The following LRRK1 variants were observed in gnomAD, a reference collection of about 807,000 sequenced individuals.
LRRK1 encodes the protein leucine rich repeat kinase 1.
LRRK1 carries 113 observed loss-of-function variants against 209.1 expected under a neutral mutation model. The observed-to-expected ratio is 0.54, with a 90% CI of 0.46 to 0.63. The LOEUF is 0.63. LRRK1 is among the 30% of genes least tolerant of loss of function. The pLI is 0.00. For missense variants in LRRK1, 2,284 were observed against 2,632.2 expected (o/e 0.87, Z 2.89); for synonymous variants, 1,144 against 1,099.7 (o/e 1.04, Z -0.80).
At chr15:101,032,823 G>T (rs898046008) in intron 20 of LRRK1, among the ~76,000 whole-genome samples, 3 of 152,118 alleles carry the variant, frequency 2.0e-5, no homozygotes, top group African/African-American at 7.2e-5. Context: ...TTTATTTCAG[G>T]ACTCTATTTT....
intron 11 of LRRK1, among the ~76,000 whole-genome samples, chr15:101,014,778 C>G (rs1053132718): frequency 6.6e-6 from 1 of 152,216 alleles, no homozygotes; most frequent in African/African-American, 2.4e-5. Context: ...CTCATTTTAA[C>G]TTAGTTACCT....
intron 3 of LRRK1, among the ~76,000 whole-genome samples, chr15:100,976,300 T>C (rs1410517472): frequency 6.6e-6 from 1 of 152,132 alleles, no homozygotes; most frequent in Non-Finnish European, 1.5e-5. Context: ...TTAATGAAGC[T>C]AACACAACCT....
At chr15:101,059,226 C>A (rs191400044) in intron 29 of LRRK1, among the ~76,000 whole-genome samples, 2 of 151,932 alleles carry the variant, frequency 1.3e-5, no homozygotes, top group African/African-American at 4.8e-5. Context: ...TTTGTCTCTA[C>A]AAAAATAAAT....
intron 21 of LRRK1, among the ~76,000 whole-genome samples, chr15:101,046,728 T>G (rs916832378): frequency 1.3e-5 from 2 of 152,060 alleles, no homozygotes; most frequent in African/African-American, 2.4e-5. Flanking sequence ...CCCAGGCGAG[T>G]CCCCTGTGCA....
chr15:101,075,631 T>C lies in LRRK1; in HGVS notation c.*6783T>C, dbSNP rs903500308. 7 of 149,974 alleles carry C rather than the reference T, an allele frequency of 4.7e-5. No individual in the cohort carries two copies. The highest frequency in any genetic ancestry group is 1.3e-4 in the African/African-American group (5 of 39,502). The allele number at this position is 149,974 out of a possible 1,614,324, so 9.3% of individuals were successfully genotyped here. A position where few individuals can be genotyped will look rare whatever the true frequency, so the allele number is the denominator to read the frequency against. On this transcript the variant is annotated 3_prime_UTR_variant, in exon 34 of 34. Coordinates refer to ENST00000388948, the MANE Select transcript of LRRK1 (RefSeq NM_024652.6). ...ATAAACTCTCCTTACAATTCCCCCA[T>C]TTCACTTGTCCTAAAACCAGACAAG... is the stretch of plus-strand genomic sequence containing the variant.
At chr15:100,932,363 A>G (rs2042228203) in intron 2 of LRRK1, among the ~76,000 whole-genome samples, 1 of 152,196 alleles carries the variant, frequency 6.6e-6, no homozygotes, top group Admixed American at 6.5e-5. Context: ...TTACATGCAT[A>G]TTCAGTTGTA....
At chr15:101,013,951 C>T (rs550069927) in intron 10 of LRRK1, among the ~76,000 whole-genome samples, 16 of 152,200 alleles carry the variant, frequency 1.1e-4, no homozygotes, top group Non-Finnish European at 1.5e-4. Flanking sequence ...CCCCACCAGC[C>T]GTGAGCCGTT....
At chr15:101,029,416 C>T (rs899974205) in intron 20 of LRRK1, among the ~76,000 whole-genome samples, 184 bp downstream of exon 20, 2 of 152,046 alleles carry the variant, frequency 1.3e-5, no homozygotes, top group African/African-American at 4.8e-5. Context: ...ACAGTGAGCA[C>T]GGCTGGCCGC....
chr15:101,002,859 T>C (rs1004980962), intron 6 of LRRK1, among the ~76,000 whole-genome samples: 2 of 152,184 alleles, frequency 1.3e-5, no homozygotes, highest in African/African-American at 4.8e-5. Flanking sequence ...GCCTCCCAAG[T>C]AGCTGGGACT....
At chr15:101,050,253 C>T (rs1402065705) in intron 23 of LRRK1, among the ~76,000 whole-genome samples, 1 of 152,206 alleles carries the variant, frequency 6.6e-6, no homozygotes, top group African/African-American at 2.4e-5. Flanking sequence ...CCACCCATCC[C>T]GGCGGTGATC....
At chr15:100,921,716 A>T (rs533332456) in intron 1 of LRRK1, among the ~76,000 whole-genome samples, 19 of 152,276 alleles carry the variant, frequency 1.2e-4, no homozygotes, top group African/African-American at 4.6e-4. Context: ...AATGAATGAC[A>T]GGTTCTTCTC....
chr15:101,047,707 C>A (rs2035162703), intron 21 of LRRK1, among the ~76,000 whole-genome samples: 2 of 152,306 alleles, frequency 1.3e-5, no homozygotes, highest in South Asian at 4.1e-4. Context: ...CACGGAGCGG[C>A]CCCGCGCACA....
At chr15:100,939,744 T>C (rs1596170003) in intron 2 of LRRK1, among the ~76,000 whole-genome samples, 1 of 152,264 alleles carries the variant, frequency 6.6e-6, no homozygotes, top group Non-Finnish European at 1.5e-5. Context: ...CCATTAACTC[T>C]GTGGTACCCT....
chr15:100,985,206 C>A (rs2031805540), intron 4 of LRRK1, among the ~76,000 whole-genome samples: 1 of 152,062 alleles, frequency 6.6e-6, no homozygotes, highest in Admixed American at 6.5e-5. Context: ...GAGAAGCATA[C>A]TAAGACAAGA....
chr15:101,039,519 T>G (rs1437486100), intron 20 of LRRK1, among the ~76,000 whole-genome samples: 2 of 152,226 alleles, frequency 1.3e-5, no homozygotes, highest in Non-Finnish European at 2.9e-5. Context: ...TAAGTATGCT[T>G]CTTTTTTGAA....
intron 16 of LRRK1, 94 bp downstream of exon 16, chr15:101,025,061 A>G: frequency 1.5e-6 from 2 of 1,294,042 alleles, no homozygotes; most frequent in Non-Finnish European, 2.1e-6. Context: ...TGAGAAAAAA[A>G]GGGGGTTATG....
intron 2 of LRRK1, among the ~76,000 whole-genome samples, chr15:100,929,998 C>G (rs1435596336): frequency 6.6e-6 from 1 of 152,182 alleles, no homozygotes. Flanking sequence ...CCTTGATGAG[C>G]CTTTGAACAT....
At chr15:100,984,675 T>C (rs1157962179) in intron 4 of LRRK1, among the ~76,000 whole-genome samples, 1 of 152,222 alleles carries the variant, frequency 6.6e-6, no homozygotes, top group Non-Finnish European at 1.5e-5. Flanking sequence ...TTTCTTTTAA[T>C]GGCTGAATAA....
At chr15:100,995,075 G>A (rs764074502) in intron 6 of LRRK1, among the ~76,000 whole-genome samples, 1 of 152,168 alleles carries the variant, frequency 6.6e-6, no homozygotes, top group Non-Finnish European at 1.5e-5. Context: ...TGAAGTAACG[G>A]TCCCTTCAGG....
Sources: gnomAD v4.1 joint callset for allele counts (sites outside exome capture counted in the v4.1 genomes callset) on GRCh38, gnomAD v4.1.1 for gene constraint, MANE v1.5 for transcripts, NCBI Gene and HGNC (gene_info 2026-07-23, HGNC 2026-07-21) for gene names.